The following MSI2 variants were observed in gnomAD, a reference collection of about 807,000 sequenced individuals.
MSI2 encodes the protein musashi RNA binding protein 2.
A neutral mutation model predicts 45.6 loss-of-function variants in MSI2; 17 were observed. That is an observed-to-expected ratio of 0.37 (90% CI 0.26 to 0.56). The LOEUF (loss-of-function observed/expected upper bound fraction) is 0.56. Among genes scored for constraint, MSI2 ranks in the 20% least tolerant of loss-of-function variants. MSI2 has a pLI of 0.77. For synonymous variants in MSI2, 156 were observed against 158.2 expected (o/e 0.99, Z 0.11); for missense variants, 293 against 444.2 (o/e 0.66, Z 3.06).
chr17:57,584,259 G>A (rs546331204), intron 7 of MSI2, among the ~76,000 whole-genome samples: 74 of 152,332 alleles, frequency 4.9e-4, no homozygotes, highest in African/African-American at 1.6e-3. Context: ...GCTTCTCAGA[G>A]AAATCTGGCT....
intron 5 of MSI2, among the ~76,000 whole-genome samples, chr17:57,314,048 T>G (rs1407129828): frequency 2.0e-5 from 3 of 151,926 alleles, no homozygotes; most frequent in African/African-American, 4.8e-5. Flanking sequence ...GAAGTTTTGA[T>G]AGGGTTGGCT....
Position 57,548,126 on chromosome 17 carries a change from AG to A in MSI2, c.454+18406del, listed in dbSNP as rs1227443307. Among the ~76,000 whole-genome samples, 3 of 152,106 alleles carry A rather than the reference AG, an allele frequency of 2.0e-5. No individual in the cohort carries two copies. The East Asian group carries it at 5.8e-4, about 29-fold the overall frequency. ...GGCATCCTCCTCCCAGTGTGTGTAG[AG>A]GGGTTTGGGCTCACTGTGAATGTCC... On this transcript the variant is annotated intron_variant, in intron 7 of 13. Transcript: ENST00000284073.
At chr17:57,431,906 A>T (rs2084601509) in intron 6 of MSI2, among the ~76,000 whole-genome samples, 1 of 151,874 alleles carries the variant, frequency 6.6e-6, no homozygotes, top group Non-Finnish European at 1.5e-5. Context: ...TGCAGCACAG[A>T]CTCCACCGGG....
chr17:57,401,890 C>A (rs911069357), intron 6 of MSI2, among the ~76,000 whole-genome samples: 1 of 152,156 alleles, frequency 6.6e-6, no homozygotes, highest in Non-Finnish European at 1.5e-5. Flanking sequence ...AGAGCTGAGT[C>A]TCCCTGGGGC....
intron 6 of MSI2, among the ~76,000 whole-genome samples, chr17:57,421,496 G>T (rs1022095447): frequency 2.0e-5 from 3 of 152,054 alleles, no homozygotes; most frequent in African/African-American, 7.2e-5. Context: ...ACTACTGGTG[G>T]ACTTCCTCTC....
At position 57,575,944 on chromosome 17, in the gene MSI2, CAAAAAAAA is replaced by C. The variant is rs34036311; in HGVS notation, c.455-20904_455-20897del. ...TGGGCGACAGAGCGAGACTCCGTCT[CAAAAAAAA>C]AAAAAAAAAAAAAAAAAAATTGGAA... On this transcript the variant is annotated intron_variant, in intron 7 of 13. Transcript: ENST00000284073. 1.5e-3 allele frequency among the ~76,000 whole-genome samples: 96 copies of C among 64,444 alleles called. 1 individual carries two copies. The highest frequency in any genetic ancestry group is 3.3e-3 in the African/African-American group (66 of 20,064). The allele number at this position is 64,444 out of a possible 152,430, so 42.3% of individuals were successfully genotyped here. A position where few individuals can be genotyped will look rare whatever the true frequency, so the allele number is the denominator to read the frequency against.
chr17:57,599,045 C>T (rs1905562585), intron 8 of MSI2, among the ~76,000 whole-genome samples: 1 of 152,208 alleles, frequency 6.6e-6, no homozygotes. Flanking sequence ...TTATCCTAGC[C>T]AGAGCACGCC....
intron 5 of MSI2, among the ~76,000 whole-genome samples, chr17:57,325,968 G>A (rs1421113172): frequency 6.6e-6 from 1 of 152,096 alleles, no homozygotes; most frequent in Non-Finnish European, 1.5e-5. Context: ...GCTACCTCCT[G>A]CCTTTGCATC....
chr17:57,602,106 C>G (rs1340355234), intron 8 of MSI2: 1 of 152,194 alleles, frequency 6.6e-6, no homozygotes, highest in African/African-American at 2.4e-5. Context: ...TTTAAATCAA[C>G]TTTGTCCAAC....
intron 6 of MSI2, among the ~76,000 whole-genome samples, chr17:57,402,145 G>A (rs1243923401): frequency 6.6e-6 from 1 of 152,204 alleles, no homozygotes; most frequent in Non-Finnish European, 1.5e-5. Context: ...CACCGTGGGT[G>A]AGGTGTTTAA....
chr17:57,526,358 T>TGG (rs1567877856), intron 6 of MSI2, among the ~76,000 whole-genome samples: 3 of 43,810 alleles, frequency 6.8e-5, no homozygotes, highest in East Asian at 6.2e-4. Flanking sequence ...TATACCTGGG[T>TGG]GTGTGTGTGT....
chr17:57,647,274 C>CAAAAAAAAAA (rs33915774), intron 10 of MSI2, among the ~76,000 whole-genome samples: 3 of 37,680 alleles, frequency 8.0e-5, no homozygotes, highest in Non-Finnish European at 1.1e-4. Flanking sequence ...ACTAAAAATA[C>CAAAAAAAAAA]AAAAAAAAAA....
At chr17:57,301,897 G>A in intron 5 of MSI2, among the ~76,000 whole-genome samples, 1 of 152,006 alleles carries the variant, frequency 6.6e-6, no homozygotes, top group South Asian at 2.1e-4. Flanking sequence ...ACAACTTCAG[G>A]TTAACTAGAA....
At chr17:57,257,311 T>C (rs571595005) in intron 2 of MSI2, among the ~76,000 whole-genome samples, 155 bp from the exon 3 acceptor site, 1 of 147,682 alleles carries the variant, frequency 6.8e-6, no homozygotes, top group Non-Finnish European at 1.5e-5. Flanking sequence ...GCGACCTCTG[T>C]TGCCGAATTT....
intron 5 of MSI2, chr17:57,263,825 C>T (rs1907530069): frequency 6.6e-6 from 1 of 152,192 alleles, no homozygotes; most frequent in Non-Finnish European, 1.5e-5. Context: ...CCCTCAACTC[C>T]ACATCTGGAA....
intron 8 of MSI2, among the ~76,000 whole-genome samples, chr17:57,604,023 C>G (rs376246434): frequency 1.3e-5 from 2 of 152,214 alleles, no homozygotes; most frequent in African/African-American, 4.8e-5. Context: ...TGGGGGAGCC[C>G]CCAGGTGGGG....
chr17:57,559,987 G>T (rs2087533785), intron 7 of MSI2, among the ~76,000 whole-genome samples: 1 of 152,380 alleles, frequency 6.6e-6, no homozygotes, highest in South Asian at 2.1e-4. Context: ...TCAGCAGGAT[G>T]CTGCGGGTTT....
intron 7 of MSI2, among the ~76,000 whole-genome samples, chr17:57,569,908 G>A (rs2087831043): frequency 6.6e-6 from 1 of 152,174 alleles, no homozygotes; most frequent in African/African-American, 2.4e-5. Flanking sequence ...GCCACTCCCT[G>A]GGCCTCTGAG....
At chr17:57,432,348 G>A (rs2084612616) in intron 6 of MSI2, among the ~76,000 whole-genome samples, 2 of 152,196 alleles carry the variant, frequency 1.3e-5, no homozygotes, top group African/African-American at 2.4e-5. Flanking sequence ...TCCTTATGGA[G>A]GAGGCTGTAT....
Sources: allele counts gnomAD v4.1 joint callset (sites outside exome capture counted in the v4.1 genomes callset), GRCh38; gene constraint gnomAD v4.1.1; transcripts MANE v1.5; gene names NCBI Gene and HGNC (gene_info 2026-07-23, HGNC 2026-07-21).